The following CAAP1 variants were observed in gnomAD, a reference collection of about 807,000 sequenced individuals.
The protein encoded by CAAP1 is conserved anti-apoptotic protein.
A neutral mutation model predicts 34.0 loss-of-function variants in CAAP1; 20 were observed. The ratio of observed to expected loss-of-function variants is 0.59; its 90% CI spans 0.41 to 0.86. CAAP1 has a LOEUF of 0.86. CAAP1 is among the 40% of genes least tolerant of loss of function. CAAP1 has a pLI of 0.00. For synonymous variants in CAAP1, 213 were observed against 166.7 expected, an observed-to-expected ratio of 1.28 and a Z score of -2.14; for missense variants, 538 against 450.5, an observed-to-expected ratio of 1.19 and a Z score of -1.76.
chr9:26,857,126 G>C (rs1046818536), intron 5 of CAAP1, among the ~76,000 whole-genome samples: 1 of 152,174 alleles, frequency 6.6e-6, no homozygotes, highest in East Asian at 1.9e-4. Context: ...GACCAATTCA[G>C]AAAATTTATA....
At chr9:26,873,313 C>G (rs1274489795) in intron 4 of CAAP1, among the ~76,000 whole-genome samples, 4 of 152,164 alleles carry the variant, frequency 2.6e-5, no homozygotes, top group African/African-American at 9.7e-5. Context: ...TCTTTATCTT[C>G]TACAACCATG....
chr9:26,874,413 C>G (rs915626276), intron 4 of CAAP1, among the ~76,000 whole-genome samples: 3 of 151,978 alleles, frequency 2.0e-5, no homozygotes, highest in Non-Finnish European at 4.4e-5. Context: ...TTGAAATAAA[C>G]AATAAATTAT....
At chr9:26,844,847 T>C (rs184884391) in intron 5 of CAAP1, among the ~76,000 whole-genome samples, 12 of 152,356 alleles carry the variant, frequency 7.9e-5, no homozygotes, top group Admixed American at 7.8e-4. Context: ...TTCAGGAACT[T>C]TTTTTATTCT....
At chr9:26,857,174 T>C (rs990729772) in intron 5 of CAAP1, among the ~76,000 whole-genome samples, 1 of 152,212 alleles carries the variant, frequency 6.6e-6, no homozygotes, top group African/African-American at 2.4e-5. Context: ...ATCTCTGAAA[T>C]CCTCAAGGAA....
Position 26,842,158 on chromosome 9 carries a change from C to T in CAAP1, c.*143G>A, listed in dbSNP as rs1822496152. On this transcript the variant is annotated 3_prime_UTR_variant, in exon 6 of 6. Coordinates refer to ENST00000333916, the MANE Select transcript of CAAP1 (RefSeq NM_024828.4). ...TAGTCAAAAAAATAAAAAGAAACAG[C>T]CACAGGTAATTTAGGGCTAAAATGA... is the stretch of plus-strand genomic sequence containing the variant. 6 of 594,480 alleles carry T rather than the reference C, an allele frequency of 1.0e-5. No homozygotes were observed. Among genetic ancestry groups the T allele is most frequent in the Non-Finnish European group, 1.7e-5 (6 of 351,486 alleles). 36.8% of individuals were successfully genotyped at this position (594,480 alleles called of 1,614,324 possible). A position where few individuals can be genotyped will look rare whatever the true frequency, so the allele number is the denominator to read the frequency against.
rs145374917 is a variant in CAAP1 at position 26,855,128 on chromosome 9, T to C, written c.739+5938A>G. Among the ~76,000 whole-genome samples, 519 of 152,306 alleles carry C rather than the reference T, an allele frequency of 3.4e-3. 1 individual carries two copies. Among genetic ancestry groups the C allele is most frequent in the Non-Finnish European group, 5.9e-3 (399 of 68,032 alleles). On this transcript the variant is annotated intron_variant, in intron 5 of 5. Coordinates refer to ENST00000333916, the MANE Select transcript of CAAP1 (RefSeq NM_024828.4). ...GAATGGATGAACAAACTGCTGTACA[T>C]CCATGCAATGGAAAATATTCAGCAA...
At chr9:26,890,789 C>CA (rs1182430709) in intron 1 of CAAP1, among the ~76,000 whole-genome samples, 8 of 151,890 alleles carry the variant, frequency 5.3e-5, no homozygotes, top group African/African-American at 9.7e-5. Flanking sequence ...ACTGAAAATA[C>CA]AAAAAATTAG....
rs546583459 is a variant in CAAP1 at position 26,892,800 on chromosome 9, A to G, written c.-85T>C. On this transcript the variant is annotated 5_prime_UTR_variant, in exon 1 of 6. Coordinates refer to ENST00000333916, the MANE Select transcript of CAAP1 (RefSeq NM_024828.4). ...ACTCCTGCGGCCGTGGGCGGCAGGC[A>G]CTGGCGTCGCAGGTTATGCGTCACT... 6 of 1,324,206 alleles carry G rather than the reference A, an allele frequency of 4.5e-6. No homozygotes were observed. The Admixed American group carries it at 1.5e-4, about 32-fold the overall frequency. 82.0% of individuals were successfully genotyped at this position (1,324,206 alleles called of 1,614,324 possible). A position where few individuals can be genotyped will look rare whatever the true frequency, so the allele number is the denominator to read the frequency against.
At chr9:26,880,701 A>C (rs1274724442) in intron 4 of CAAP1, among the ~76,000 whole-genome samples, 1 of 151,960 alleles carries the variant, frequency 6.6e-6, no homozygotes, top group Non-Finnish European at 1.5e-5. Context: ...ATTTTTTGAG[A>C]TGGAGTTTTG....
chr9:26,848,768 C>CT (rs1188932282), intron 5 of CAAP1, among the ~76,000 whole-genome samples: 1 of 152,034 alleles, frequency 6.6e-6, no homozygotes, highest in African/African-American at 2.4e-5. Context: ...GAGATTGGGT[C>CT]TTATGTTGTT....
At chr9:26,884,102 A>T (rs1052404923) in intron 4 of CAAP1, among the ~76,000 whole-genome samples, 4 of 152,168 alleles carry the variant, frequency 2.6e-5, no homozygotes, top group Non-Finnish European at 5.9e-5. Context: ...ATCTAGCACA[A>T]ATCTCTTATA....
At chr9:26,874,416 T>C (rs980234509) in intron 4 of CAAP1, among the ~76,000 whole-genome samples, 1 of 152,054 alleles carries the variant, frequency 6.6e-6, no homozygotes, top group African/African-American at 2.4e-5. Flanking sequence ...AAATAAACAA[T>C]AAATTATTGT....
At chr9:26,874,206 C>CAAAAA (rs34601727) in intron 4 of CAAP1, among the ~76,000 whole-genome samples, 3 of 53,226 alleles carry the variant, frequency 5.6e-5, no homozygotes, top group African/African-American at 7.3e-5. Context: ...GACTCTGTCT[C>CAAAAA]AAAAAAAAAA....
Position 26,841,266 on chromosome 9 carries a change from ATTAAT to A in CAAP1, c.*1030_*1034del, listed in dbSNP as rs1429062317. Reference sequence around the variant, plus strand: ...TTCCAGATTTATGTTTTTTGAAAAAATTAATTTATTTTAAGTTAAGGATCTCTACG... The same window carrying A: ...TTCCAGATTTATGTTTTTTGAAAAAATTATTTTAAGTTAAGGATCTCTACG... On this transcript the variant is annotated 3_prime_UTR_variant, in exon 6 of 6. Coordinates refer to ENST00000333916, the MANE Select transcript of CAAP1 (RefSeq NM_024828.4). The A allele has an allele frequency of 6.6e-6, 1 of 152,498 alleles. No homozygotes were observed. Among genetic ancestry groups the A allele is most frequent in the Non-Finnish European group, 1.5e-5 (1 of 67,980 alleles). 9.4% of individuals were successfully genotyped at this position (152,498 alleles called of 1,614,324 possible).
intron 3 of CAAP1, 21 bp from the exon 4 acceptor site, chr9:26,884,906 T>C (rs1276361266): frequency 4.6e-6 from 7 of 1,514,714 alleles, no homozygotes; most frequent in Non-Finnish European, 5.5e-6. Flanking sequence ...AAAGAAACTA[T>C]TGAAAGCACA....
intron 4 of CAAP1, among the ~76,000 whole-genome samples, chr9:26,883,127 G>A (rs1473905185): frequency 6.6e-6 from 1 of 152,144 alleles, no homozygotes; most frequent in Admixed American, 6.5e-5. Context: ...TAAGACTTTG[G>A]GGGACTGTTG....
At chr9:26,866,842 C>T (rs958342451) in intron 4 of CAAP1, among the ~76,000 whole-genome samples, 18 of 152,138 alleles carry the variant, frequency 1.2e-4, no homozygotes, top group African/African-American at 4.3e-4. Context: ...AAAATCACTA[C>T]AAATTACCCA....
chr9:26,891,799 G>T (rs909860672), intron 1 of CAAP1, among the ~76,000 whole-genome samples: 1 of 152,172 alleles, frequency 6.6e-6, no homozygotes, highest in African/African-American at 2.4e-5. Context: ...GGCAAGAAAA[G>T]GGACTTGACG....
chr9:26,870,377 T>C (rs978889099), intron 4 of CAAP1, among the ~76,000 whole-genome samples: 1 of 151,990 alleles, frequency 6.6e-6, no homozygotes, highest in Non-Finnish European at 1.5e-5. Context: ...CCTACTGCTG[T>C]CTTTTTTGTA....
Sources: allele counts gnomAD v4.1 joint callset (sites outside exome capture counted in the v4.1 genomes callset), GRCh38; gene constraint gnomAD v4.1.1; transcripts MANE v1.5; gene names NCBI Gene and HGNC (gene_info 2026-07-23, HGNC 2026-07-21).